HAPLN2: variants seen among roughly 807,000 people sequenced by gnomAD.
HAPLN2 encodes brain link protein-1.
Under a neutral mutation model 29.3 loss-of-function variants are expected in HAPLN2, and 27 were observed. The observed-to-expected ratio is 0.92, with a 90% confidence interval of 0.68 to 1.27. The LOEUF is 1.27. HAPLN2 is among the 50% of genes most tolerant of loss of function. The pLI is 0.00. For synonymous variants in HAPLN2, 208 were observed against 211.7 expected (o/e 0.98, Z 0.15); for missense variants, 454 against 484.3 (o/e 0.94, Z 0.59).
intron 6 of HAPLN2, 30 bp downstream of exon 6, chr1:156,624,813 G>A (rs1168211508): frequency 6.1e-6 from 9 of 1,464,080 alleles, no homozygotes; most frequent in Non-Finnish European, 8.1e-6. Flanking sequence ...CAGGGTCTTG[G>A]GGAGGGGTCT....
chr1:156,617,451 G>A (rs1336055116), upstream of HAPLN2, among the ~76,000 whole-genome samples: 2 of 150,982 alleles, frequency 1.3e-5, no homozygotes, highest in South Asian at 4.2e-4. Flanking sequence ...GGGTTCAAGC[G>A]ATTTTCCCAC....
At chr1:156,617,117 A>G (rs1045915502), upstream of HAPLN2, among the ~76,000 whole-genome samples, 2 of 151,870 alleles carry the variant, frequency 1.3e-5, no homozygotes, top group Non-Finnish European at 2.9e-5. Context: ...AAAGAAAAGT[A>G]TATTCAAGGT....
the HAPLN2 span, among the ~76,000 whole-genome samples, chr1:156,613,224 A>G: frequency 6.6e-6 from 1 of 151,882 alleles, no homozygotes; most frequent in Admixed American, 6.6e-5. Context: ...GGTGGTGCAC[A>G]CCTGTAATCC....
the HAPLN2 span, chr1:156,601,632 C>G: frequency 3.2e-6 from 2 of 629,984 alleles, no homozygotes; most frequent in Non-Finnish European, 2.8e-6. Flanking sequence ...TCGGAGGTTC[C>G]GAGGCTGTTC....
chr1:156,623,186 G>T (rs1253065405), intron 2 of HAPLN2, among the ~76,000 whole-genome samples: 1 of 152,026 alleles, frequency 6.6e-6, no homozygotes, highest in Non-Finnish European at 1.5e-5. Flanking sequence ...TGGCAAGCTT[G>T]GGAAGTAGCA....
rs1678350306 is a variant in HAPLN2, at chr1:156,624,017, G to A, written c.296G>A (p.Gly99Glu). 1 of 1,611,380 alleles carries A rather than the reference G, an allele frequency of 6.2e-7. No homozygotes were observed. Among genetic ancestry groups the A allele is most frequent in the East Asian group, 2.2e-5 (1 of 44,826 alleles). The part of the protein sequence containing the change: ...LHARGYGPLG[G>E]RARMRRGHRL... ...GCCCGGGGGTATGGGCCCCTGGGAG[G>A]GCGCGCCAGGATGCGGAGGGGGCAT... The change falls in exon 4 of 7, where the codon GGG becomes GAG. Residue 99 changes from glycine to glutamate, a missense_variant. Coordinates refer to ENST00000255039, the MANE Select transcript of HAPLN2 (RefSeq NM_021817.3).
chr1:156,608,357 T>C, the HAPLN2 span, among the ~76,000 whole-genome samples: 1 of 152,176 alleles, frequency 6.6e-6, no homozygotes, highest in Non-Finnish European at 1.5e-5. Flanking sequence ...GATGAAGCCC[T>C]GTCTCTGACC....
At chr1:156,623,277 G>A (rs1678313090) in intron 2 of HAPLN2, among the ~76,000 whole-genome samples, 190 bp from the exon 3 acceptor site, 1 of 151,884 alleles carries the variant, frequency 6.6e-6, no homozygotes, top group South Asian at 2.1e-4. Context: ...AAGAGAGGGA[G>A]AGGAAGGGGA....
Position 156,624,126 on chromosome 1 carries a change from G to C in HAPLN2, c.405G>C (p.Glu135Asp). 2 of 1,613,662 alleles carry C rather than the reference G, an allele frequency of 1.2e-6. No individual in the cohort carries two copies. The highest frequency in any genetic ancestry group is 1.7e-6 in the Non-Finnish European group (2 of 1,179,908). ...RYRCELINGI[E>D]DESVALTLSL... Reference sequence around the variant, plus strand: ...GCTGCGAGCTCATCAACGGCATCGAGGACGAGAGCGTGGCGCTGACCTTGA... The same window carrying C: ...GCTGCGAGCTCATCAACGGCATCGACGACGAGAGCGTGGCGCTGACCTTGA... The change falls in exon 4 of 7, where the codon GAG becomes GAC. Residue 135 changes from glutamate (E) to aspartate (D), a missense_variant. Around this residue, in one of 3 missense-constraint regions of HAPLN2, gnomAD observed 204 missense variants for 209.2 expected, o/e 0.98. Transcript: ENST00000255039.
At chr1:156,623,625 A>C (rs1461711844) in intron 3 of HAPLN2, 50 bp downstream of exon 3, 1 of 1,608,150 alleles carries the variant, frequency 6.2e-7, no homozygotes, top group Admixed American at 1.7e-5. Flanking sequence ...GGGAGACTGC[A>C]AGGGTGGGGA....
intron 3 of HAPLN2, 102 bp from the exon 4 acceptor site, chr1:156,623,704 AG>A: frequency 6.6e-7 from 1 of 1,510,602 alleles, no homozygotes; most frequent in Non-Finnish European, 8.9e-7. Flanking sequence ...AATGGAGGAG[AG>A]GGTTGGGGGG....
intron 2 of HAPLN2, 127 bp from the exon 3 acceptor site, chr1:156,623,340 C>A: frequency 1.4e-6 from 1 of 715,966 alleles, no homozygotes; most frequent in Non-Finnish European, 2.3e-6. Context: ...AACCCCTTTT[C>A]TCTGCCCCAG....
chr1:156,613,346 G>A, the HAPLN2 span, among the ~76,000 whole-genome samples: 5 of 151,784 alleles, frequency 3.3e-5, no homozygotes, highest in Non-Finnish European at 5.9e-5. Context: ...GTGGGACTCC[G>A]TCTCAAAAAA....
At chr1:156,609,465 A>G in the HAPLN2 span, among the ~76,000 whole-genome samples, 2 of 152,256 alleles carry the variant, frequency 1.3e-5, no homozygotes, top group South Asian at 4.1e-4. Context: ...TAAATTATCT[A>G]CAATTAAGTG....
intron 2 of HAPLN2, among the ~76,000 whole-genome samples, chr1:156,621,230 G>A (rs1016351368): frequency 4.7e-5 from 7 of 149,152 alleles, no homozygotes; most frequent in African/African-American, 1.2e-4. Flanking sequence ...TCAGCCTCCC[G>A]AGTAGCTGGA....
At chr1:156,613,305 C>G in the HAPLN2 span, among the ~76,000 whole-genome samples, 3 of 152,048 alleles carry the variant, frequency 2.0e-5, no homozygotes, top group Non-Finnish European at 4.4e-5. Flanking sequence ...GAGACAAGAT[C>G]GCACCACTGC....
At chr1:156,618,368 T>C (rs1678113963), upstream of HAPLN2, among the ~76,000 whole-genome samples, 1 of 148,408 alleles carries the variant, frequency 6.7e-6, no homozygotes, top group Non-Finnish European at 1.5e-5. Context: ...TAGTCCTAGA[T>C]AATTTCGAGG....
Position 156,624,723 on chromosome 1 carries a change from G to A in HAPLN2, c.679G>A (p.Gly227Arg). Residue 227 changes from glycine (G) to arginine (R), a missense_variant, in exon 6 of 7, where the codon GGA becomes AGA. By Grantham distance (125) the Gly-to-Arg change is moderately radical (BLOSUM62 -2). Transcript: ENST00000255039. ...GRGRPGIRSY[G>R]PRDRMRDRYD... ...AGGCCGGCCCGGGATCCGCAGCTAC[G>A]GACCCCGCGACCGGATGCGCGACCG... 4 of 1,576,022 alleles carry A rather than the reference G, an allele frequency of 2.5e-6. No homozygotes were observed. The highest frequency in any genetic ancestry group is 1.1e-5 in the South Asian group (1 of 87,554).
upstream of HAPLN2, chr1:156,614,770 GGA>G (rs1355271467): frequency 2.0e-5 from 3 of 152,200 alleles, no homozygotes; most frequent in African/African-American, 7.2e-5. Context: ...ATATTTATTT[GGA>G]GGGATAGCTG....
Sources: gnomAD v4.1 joint callset for allele counts (sites outside exome capture counted in the v4.1 genomes callset) on GRCh38, gnomAD v4.1.1 for gene constraint, gnomAD v4.1.1 regional missense constraint, MANE v1.5 for transcripts, NCBI Gene and HGNC (gene_info 2026-07-23, HGNC 2026-07-21) for gene names.